The following ZCWPW1 variants were observed in gnomAD, a reference collection of about 807,000 sequenced individuals.
The protein encoded by ZCWPW1 is zinc finger CW-type and PWWP domain containing 1.
ZCWPW1 carries 56 observed loss-of-function variants against 81.3 expected under a neutral mutation model. The ratio of observed to expected loss-of-function variants is 0.69; its 90% CI spans 0.56 to 0.86. The LOEUF (loss-of-function observed/expected upper bound fraction) is 0.86, where lower values mean the gene tolerates loss of function less well. ZCWPW1 is among the 40% of genes least tolerant of loss of function. ZCWPW1 has a pLI of 0.00. For synonymous variants in ZCWPW1, 250 were observed against 273.7 expected, an observed-to-expected ratio of 0.91 and a Z score of 0.86; for missense variants, 650 against 769.8, an observed-to-expected ratio of 0.84 and a Z score of 1.84.
intron 8 of ZCWPW1, among the ~76,000 whole-genome samples, chr7:100,411,071 G>A (rs747233212): frequency 7.2e-5 from 11 of 152,078 alleles, no homozygotes; most frequent in Non-Finnish European, 1.0e-4. Flanking sequence ...CATAGGTATC[G>A]CTATATATTC....
chr7:100,406,908 C>T, intron 11 of ZCWPW1, 110 bp from the exon 12 acceptor site: 4 of 933,152 alleles, frequency 4.3e-6, no homozygotes, highest in Non-Finnish European at 6.5e-6. Context: ...GGTGCTGGGC[C>T]TCACATACTC....
At chr7:100,414,614 CTG>C (rs1181004440) in intron 8 of ZCWPW1, among the ~76,000 whole-genome samples, 1 of 151,972 alleles carries the variant, frequency 6.6e-6, no homozygotes, top group African/African-American at 2.4e-5. Flanking sequence ...GAGGGTCTCA[CTG>C]TGTTGCCCAA....
Position 100,405,211 on chromosome 7 carries a change from C to T in ZCWPW1, c.1174-118G>A, listed in dbSNP as rs921489140. On this transcript the variant is annotated intron_variant, in intron 12 of 17. Coordinates refer to ENST00000684423, the MANE Select transcript of ZCWPW1 (RefSeq NM_001386010.1). ...TTGGGAGGCCGAGTCAGGTAGATCA[C>T]GAGGTCAGGAGTTCAACACCAGCCT... The T allele has an allele frequency of 3.4e-5, 30 of 874,602 alleles. 2 individuals carry two copies. The East Asian group carries it at 4.8e-4, about 14-fold the overall frequency. The allele number at this position is 874,602 out of a possible 1,614,324, so 54.2% of individuals were successfully genotyped here. A position where few individuals can be genotyped will look rare whatever the true frequency, so the allele number is the denominator to read the frequency against.
rs757039594 is a variant in ZCWPW1, at chr7:100,401,137, G to T, written c.1827C>A (p.Ala609=). The change falls in exon 18 of 18, where the codon GCC becomes GCA. Residue 609 remains alanine, a synonymous_variant. Coordinates refer to ENST00000684423, the MANE Select transcript of ZCWPW1 (RefSeq NM_001386010.1). ...EAGSVPLEDE[A]SSDLDLEQLM... ...GTTGCTCCAGGTCCAGGTCACTGGA[G>T]GCTTCGTCCTCAAGGGGGACACTTC... 8 of 1,614,128 alleles carry T rather than the reference G, an allele frequency of 5.0e-6. No homozygotes were observed. In the African/African-American group the frequency reaches 1.1e-4, roughly 22 times the overall value.
intron 2 of ZCWPW1, 117 bp from the exon 3 acceptor site, chr7:100,420,795 T>C: frequency 1.1e-6 from 1 of 904,812 alleles, no homozygotes; most frequent in Non-Finnish European, 1.7e-6. Context: ...TTCTGCATTC[T>C]TGACCTCCTC....
intron 4 of ZCWPW1, among the ~76,000 whole-genome samples, chr7:100,419,403 T>C (rs1795947178): frequency 6.6e-6 from 1 of 152,146 alleles, no homozygotes; most frequent in South Asian, 2.1e-4. Context: ...TCTGTCTACT[T>C]CTATCCCCAC....
intron 2 of ZCWPW1, 146 bp from the exon 3 acceptor site, chr7:100,420,824 C>A: frequency 2.9e-6 from 2 of 693,118 alleles, no homozygotes; most frequent in South Asian, 1.8e-5. Flanking sequence ...CAATTACACA[C>A]CAGGGAATAA....
chr7:100,417,352 T>C, intron 5 of ZCWPW1, 169 bp from the exon 6 acceptor site: 1 of 562,874 alleles, frequency 1.8e-6, no homozygotes, highest in Non-Finnish European at 3.1e-6. Context: ...CAAATATGTA[T>C]CTTTCTGCAA....
intron 8 of ZCWPW1, among the ~76,000 whole-genome samples, chr7:100,411,783 T>C (rs941006992): frequency 6.6e-6 from 1 of 151,828 alleles, no homozygotes; most frequent in Non-Finnish European, 1.5e-5. Flanking sequence ...CATAAGAAAA[T>C]GAGTAGGAAA....
chr7:100,418,240 G>A (rs1220155912), intron 5 of ZCWPW1, among the ~76,000 whole-genome samples: 4 of 152,072 alleles, frequency 2.6e-5, no homozygotes, highest in Non-Finnish European at 5.9e-5. Context: ...TGCAAAATCG[G>A]TATTAGAAAC....
intron 2 of ZCWPW1, among the ~76,000 whole-genome samples, chr7:100,421,063 T>A (rs1467876980): frequency 1.3e-5 from 2 of 152,166 alleles, no homozygotes; most frequent in Non-Finnish European, 2.9e-5. Flanking sequence ...GGTGAGAGGA[T>A]CACTTGAGCC....
At chr7:100,402,088 G>T in intron 16 of ZCWPW1, 47 bp from the exon 17 acceptor site, 1 of 1,565,448 alleles carries the variant, frequency 6.4e-7, no homozygotes. Flanking sequence ...CGACAACTCG[G>T]CAAGGGCAGA....
intron 13 of ZCWPW1, 141 bp from the exon 14 acceptor site, chr7:100,404,385 G>C: frequency 1.2e-6 from 1 of 809,872 alleles, no homozygotes; most frequent in East Asian, 2.8e-5. Flanking sequence ...TTTTGAGACA[G>C]GGTCTTGCTC....
In ZCWPW1 at chr7:100,401,198, T is replaced by G. The variant is rs774508382; in HGVS notation, c.1766A>C (p.Glu589Ala). Residue 589 changes from glutamate (E) to alanine (A), a missense_variant, in exon 18 of 18, where the codon GAG (glutamate) becomes GCG (alanine). Physicochemically the swap from Glu to Ala is moderately radical, Grantham distance 107. Transcript: ENST00000684423. ...GGTCAGGGGTTCCCGGTGTCTGGGC[T>G]CTTCTTTCGCAGATGAGGGGCAGGC... is the stretch of plus-strand genomic sequence containing the variant. The part of the protein sequence containing the change: ...KGACPSSAKE[E>A]PRHREPLTQE... 5 of 1,614,220 alleles carry G rather than the reference T, an allele frequency of 3.1e-6. No individual in the cohort carries two copies. Among genetic ancestry groups the G allele is most frequent in the African/African-American group, 1.3e-5 (1 of 75,068 alleles).
intron 2 of ZCWPW1, 142 bp from the exon 3 acceptor site, chr7:100,420,820 C>A: frequency 1.4e-6 from 1 of 703,846 alleles, no homozygotes; most frequent in South Asian, 1.8e-5. Context: ...GTGCCAATTA[C>A]ACACCAGGGA....
intron 2 of ZCWPW1, among the ~76,000 whole-genome samples, chr7:100,423,633 T>C (rs929299942): frequency 6.6e-6 from 1 of 152,212 alleles, no homozygotes; most frequent in African/African-American, 2.4e-5. Context: ...AAGGGGCACA[T>C]TTTCTTGCTG....
chr7:100,411,781 A>T (rs1454301184), intron 8 of ZCWPW1, among the ~76,000 whole-genome samples: 1 of 152,198 alleles, frequency 6.6e-6, no homozygotes, highest in South Asian at 2.1e-4. Flanking sequence ...CTCATAAGAA[A>T]ATGAGTAGGA....
chr7:100,415,307 T>A (rs1341634338), intron 8 of ZCWPW1, among the ~76,000 whole-genome samples: 1 of 151,898 alleles, frequency 6.6e-6, no homozygotes, highest in East Asian at 2.0e-4. Flanking sequence ...GGTCTTGAAC[T>A]CCTGACCTTG....
chr7:100,419,254 C>T, intron 4 of ZCWPW1, 65 bp from the exon 5 acceptor site: 1 of 1,415,150 alleles, frequency 7.1e-7, no homozygotes, highest in Non-Finnish European at 9.8e-7. Flanking sequence ...TCTGAACAGT[C>T]AGGGAAGCCT....
Sources: gnomAD v4.1 joint callset for allele counts (sites outside exome capture counted in the v4.1 genomes callset) on GRCh38, gnomAD v4.1.1 for gene constraint, MANE v1.5 for transcripts, NCBI Gene and HGNC (gene_info 2026-07-23, HGNC 2026-07-21) for gene names.